CFAP299: variants seen among roughly 807,000 people sequenced by gnomAD.
The protein encoded by CFAP299 is cilia- and flagella-associated protein 299.
A neutral mutation model predicts 27.0 loss-of-function variants in CFAP299; 21 were observed. The observed-to-expected ratio is 0.78, with a 90% confidence interval of 0.55 to 1.12. The LOEUF is 1.12. Among genes scored for constraint, CFAP299 ranks in the 50% most tolerant of loss-of-function variants. The pLI is 0.00. For missense variants in CFAP299, 310 were observed against 276.6 expected (o/e 1.12, Z -0.86); for synonymous variants, 104 against 98.1 (o/e 1.06, Z -0.36).
chr4:80,746,324 A>G (rs1724587899), intron 3 of CFAP299, among the ~76,000 whole-genome samples: 1 of 152,068 alleles, frequency 6.6e-6, no homozygotes, highest in African/African-American at 2.4e-5. Context: ...GCTTTTTAAA[A>G]CTATTATTAC....
intron 3 of CFAP299, among the ~76,000 whole-genome samples, chr4:80,797,623 A>G (rs2087879): frequency 0.39 from 59,098 of 152,048 alleles, 15,498 homozygotes; most frequent in African/African-American, 0.75. Context: ...TTTAAATTTT[A>G]TAGTTGAGTG....
intron 4 of CFAP299, among the ~76,000 whole-genome samples, chr4:80,900,692 AT>A (rs1734844503): frequency 6.6e-6 from 1 of 152,030 alleles, no homozygotes; most frequent in Non-Finnish European, 1.5e-5. Context: ...ATTCAAATTT[AT>A]ATGGCAGTAT....
chr4:80,644,607 A>T (rs1051109226), intron 3 of CFAP299, among the ~76,000 whole-genome samples: 1 of 152,178 alleles, frequency 6.6e-6, no homozygotes, highest in Non-Finnish European at 1.5e-5. Flanking sequence ...TCAATTAGTA[A>T]TTCGGGTGGA....
At chr4:80,412,876 T>C (rs565828770) in intron 2 of CFAP299, among the ~76,000 whole-genome samples, 71 of 152,336 alleles carry the variant, frequency 4.7e-4, no homozygotes, top group African/African-American at 1.6e-3. Flanking sequence ...GTATGCATCC[T>C]TCAGCCTCAA....
intron 4 of CFAP299, among the ~76,000 whole-genome samples, chr4:80,936,389 G>C (rs113215644): frequency 2.0e-5 from 3 of 151,930 alleles, no homozygotes; most frequent in African/African-American, 7.2e-5. Context: ...TTACCTAAAC[G>C]CCCATCAATA....
intron 3 of CFAP299, among the ~76,000 whole-genome samples, chr4:80,752,704 ACCT>A (rs1457774572): frequency 6.6e-6 from 1 of 151,316 alleles, no homozygotes; most frequent in Non-Finnish European, 1.5e-5. Context: ...GTTTCTTTGT[ACCT>A]CTTCTCTGCC....
intron 3 of CFAP299, among the ~76,000 whole-genome samples, chr4:80,710,483 CTTTTTT>C (rs372010060): frequency 1.1e-4 from 10 of 95,068 alleles, no homozygotes; most frequent in Non-Finnish European, 1.5e-4. Flanking sequence ...TTTTCTTTTT[CTTTTTT>C]TTTTTTTTTT....
At chr4:80,743,993 G>T (rs1413725582) in intron 3 of CFAP299, among the ~76,000 whole-genome samples, 4 of 152,154 alleles carry the variant, frequency 2.6e-5, no homozygotes, top group Non-Finnish European at 4.4e-5. Context: ...ACTCTTTACA[G>T]ATGTGAGTTT....
chr4:80,322,858 T>A, the CFAP299 span, among the ~76,000 whole-genome samples: 6 of 152,078 alleles, frequency 3.9e-5, no homozygotes, highest in Non-Finnish European at 5.9e-5. Flanking sequence ...CACCTGTGGG[T>A]GAAGTTGATC....
chr4:80,782,360 C>A (rs1359646685), intron 3 of CFAP299, among the ~76,000 whole-genome samples: 2 of 151,576 alleles, frequency 1.3e-5, no homozygotes, highest in Non-Finnish European at 2.9e-5. Flanking sequence ...GTGAAACAAG[C>A]CCTATCATAC....
chr4:80,800,232 A>G (rs1728356678), intron 3 of CFAP299, among the ~76,000 whole-genome samples: 1 of 74,374 alleles, frequency 1.3e-5, no homozygotes, highest in Non-Finnish European at 2.3e-5. Context: ...AATATATAAT[A>G]AATAATATAA....
At chr4:80,386,953 G>T (rs9307678) in intron 2 of CFAP299, 5 of 895,668 alleles carry the variant, frequency 5.6e-6, no homozygotes, top group Non-Finnish European at 9.4e-6. Flanking sequence ...TGCACCCGCC[G>T]GGAGGACTTC....
At chr4:80,675,611 C>T (rs1192832321) in intron 3 of CFAP299, among the ~76,000 whole-genome samples, 1 of 152,236 alleles carries the variant, frequency 6.6e-6, no homozygotes, top group Non-Finnish European at 1.5e-5. Context: ...GAAGTTTCTG[C>T]TGCCTTTTGT....
chr4:80,339,017 T>G (rs913111541), intron 1 of CFAP299, among the ~76,000 whole-genome samples: 2 of 152,144 alleles, frequency 1.3e-5, no homozygotes, highest in African/African-American at 4.8e-5. Flanking sequence ...CAATAGGAGG[T>G]ACCAACTGGA....
intron 2 of CFAP299, chr4:80,388,525 C>G: frequency 6.9e-7 from 1 of 1,439,348 alleles, no homozygotes; most frequent in Non-Finnish European, 9.7e-7. Flanking sequence ...ACACTGGCAG[C>G]GAGTTGAATT....
chr4:80,321,296 G>A, the CFAP299 span, among the ~76,000 whole-genome samples: 6 of 152,154 alleles, frequency 3.9e-5, no homozygotes, highest in African/African-American at 1.4e-4. Context: ...TTAATCAAAT[G>A]TATCTTTGAT....
chr4:80,860,347 T>G (rs1314189283), intron 3 of CFAP299, among the ~76,000 whole-genome samples: 1 of 152,174 alleles, frequency 6.6e-6, no homozygotes, highest in Non-Finnish European at 1.5e-5. Flanking sequence ...TTCTTTGCCT[T>G]TGGTTTGAAT....
intron 3 of CFAP299, among the ~76,000 whole-genome samples, chr4:80,686,857 C>T (rs1363502710): frequency 1.3e-5 from 2 of 152,132 alleles, no homozygotes; most frequent in Non-Finnish European, 2.9e-5. Flanking sequence ...TCTGTTCCTT[C>T]CTTTACACTT....
chr4:80,672,655 C>T (rs932811445), intron 3 of CFAP299, among the ~76,000 whole-genome samples: 1 of 152,036 alleles, frequency 6.6e-6, no homozygotes, highest in African/African-American at 2.4e-5. Context: ...TGTTGGTTGG[C>T]TATTAATTAT....
Sources: allele counts gnomAD v4.1 joint callset (sites outside exome capture counted in the v4.1 genomes callset), GRCh38; gene constraint gnomAD v4.1.1; transcripts MANE v1.5; gene names NCBI Gene and HGNC (gene_info 2026-07-23, HGNC 2026-07-21).